RAF1: variants seen among roughly 807,000 people sequenced by gnomAD.
RAF1 encodes RAF proto-oncogene serine/threonine-protein kinase.
A neutral mutation model predicts 81.1 loss-of-function variants in RAF1; 27 were observed. The ratio of observed to expected loss-of-function variants is 0.33; its 90% confidence interval spans 0.25 to 0.46. RAF1 has a LOEUF of 0.46. RAF1 is among the 20% of genes least tolerant of loss of function. The pLI is 1.00. For missense variants in RAF1, 598 were observed against 826.0 expected, an observed-to-expected ratio of 0.72 and a Z score of 3.38; for synonymous variants, 298 against 294.0, an observed-to-expected ratio of 1.01 and a Z score of -0.14.
intron 1 of RAF1, among the ~76,000 whole-genome samples, chr3:12,638,642 C>T (rs2060096432): frequency 6.6e-6 from 1 of 152,192 alleles, no homozygotes; most frequent in African/African-American, 2.4e-5. Context: ...TGTTCTGTCA[C>T]AGTAAACGGT....
chr3:12,649,231 T>C (rs1026638243), intron 1 of RAF1, among the ~76,000 whole-genome samples: 2 of 152,200 alleles, frequency 1.3e-5, no homozygotes, highest in Admixed American at 6.5e-5. Context: ...AAACTGATAA[T>C]ATCATTTGTT....
At position 12,663,926 on chromosome 3, in the gene RAF1, G is replaced by T; in HGVS notation, c.-140C>A. ...GGCGGTCACATTCGGCGCGTCCCCA[G>T]CCCAGGGGACGGAGCCCCGAGCAGC... On this transcript the variant is annotated 5_prime_UTR_variant, in exon 1 of 18. The change creates a new upstream start codon in the 5' untranslated region. Coordinates refer to ENST00000442415, the MANE Select transcript of RAF1 (RefSeq NM_001354689.3). 2.5e-6 allele frequency: 1 copy of T among 398,306 alleles called. No individual in the cohort carries two copies. The allele number at this position is 398,306 out of a possible 1,614,324, so 24.7% of individuals were successfully genotyped here. A position where few individuals can be genotyped will look rare whatever the true frequency, so the allele number is the denominator to read the frequency against.
At chr3:12,607,760 G>A (rs1442714878) in intron 5 of RAF1, among the ~76,000 whole-genome samples, 1 of 151,870 alleles carries the variant, frequency 6.6e-6, no homozygotes, top group Non-Finnish European at 1.5e-5. Context: ...AGACCATCCT[G>A]GCCAAGATGG....
intron 1 of RAF1, among the ~76,000 whole-genome samples, chr3:12,619,639 C>T (rs2059493358): frequency 6.7e-6 from 1 of 149,738 alleles, no homozygotes; most frequent in South Asian, 2.1e-4. Context: ...ACTTTTTCAA[C>T]TACATTTCTC....
At chr3:12,637,533 T>C (rs978410744) in intron 1 of RAF1, among the ~76,000 whole-genome samples, 8 of 151,920 alleles carry the variant, frequency 5.3e-5, no homozygotes, top group Non-Finnish European at 8.8e-5. Flanking sequence ...TATTAACATT[T>C]GAAAGCAATC....
chr3:12,647,415 A>G (rs2060386850), intron 1 of RAF1, among the ~76,000 whole-genome samples: 1 of 152,142 alleles, frequency 6.6e-6, no homozygotes, highest in Admixed American at 6.6e-5. Flanking sequence ...AGCCTGGACA[A>G]CATGGAGAAA....
chr3:12,621,986 A>G (rs920323984), intron 1 of RAF1, among the ~76,000 whole-genome samples: 1 of 152,164 alleles, frequency 6.6e-6, no homozygotes, highest in Non-Finnish European at 1.5e-5. Flanking sequence ...TTGTTTTTAT[A>G]TTTTACTATT....
At chr3:12,606,415 AT>A (rs1401893670) in intron 5 of RAF1, 116 bp from the exon 6 acceptor site, 3 of 735,514 alleles carry the variant, frequency 4.1e-6, no homozygotes, top group East Asian at 2.7e-5. Context: ...TCCCAGTCAC[AT>A]TTTCCTCAAC....
Position 12,584,489 on chromosome 3 carries a change from A to G in RAF1, c.*25T>C, listed in dbSNP as rs2125315363. ...TGCTGGCTTCTCCTCCTCCCCTGGCAGCCTGAAGACAGGTGCAAAGTCAAC... is the reference window on the plus strand; with the variant it reads ...TGCTGGCTTCTCCTCCTCCCCTGGCGGCCTGAAGACAGGTGCAAAGTCAAC... On this transcript the variant is annotated 3_prime_UTR_variant, in exon 18 of 18. Transcript: ENST00000442415. The G allele has an allele frequency of 6.2e-7, 1 of 1,614,176 alleles. No homozygotes were observed.
chr3:12,628,419 T>G (rs2059769491), intron 1 of RAF1, among the ~76,000 whole-genome samples: 1 of 152,038 alleles, frequency 6.6e-6, no homozygotes, highest in Non-Finnish European at 1.5e-5. Context: ...CCCAACTACT[T>G]GGGAGGCTGA....
At chr3:12,611,857 T>C (rs1438893917) in intron 3 of RAF1, 93 bp downstream of exon 3, 24 of 893,446 alleles carry the variant, frequency 2.7e-5, no homozygotes, top group Admixed American at 2.2e-4. Context: ...CAATATTCTA[T>C]AGGAAGCTAG....
intron 1 of RAF1, among the ~76,000 whole-genome samples, chr3:12,620,007 G>A (rs577774920): frequency 6.6e-6 from 1 of 151,984 alleles, no homozygotes; most frequent in East Asian, 2.0e-4. Context: ...GCGTGAACCC[G>A]GGAGGCAGAG....
rs1471680711 is a variant in RAF1 at position 12,609,332 on chromosome 3, T to G, written c.324A>C (p.Lys108Asn). 6.2e-7 allele frequency: 1 copy of G among 1,606,034 alleles called. No homozygotes were observed. Among genetic ancestry groups the G allele is most frequent in the Non-Finnish European group, 8.5e-7 (1 of 1,172,790 alleles). ...CAGTATTCCAATCTAAGCGTGCTTTTTTACTAGAAAGGATTTAAAAAAAAC... is the reference window on the plus strand; with the variant it reads ...CAGTATTCCAATCTAAGCGTGCTTTGTTACTAGAAAGGATTTAAAAAAAAC... The change falls in exon 4 of 18, where the codon AAA (lysine) becomes AAC (asparagine). Residue 108 changes from lysine (K) to asparagine (N), a missense_variant. By Grantham distance (94) the Lys-to-Asn change is moderately conservative. This residue lies in a region of RAF1 where 89 missense variants were observed against 169.2 expected (regional missense o/e 0.53). Transcript: ENST00000442415.
intron 1 of RAF1, among the ~76,000 whole-genome samples, chr3:12,641,155 T>C (rs932973524): frequency 1.6e-4 from 22 of 134,456 alleles, no homozygotes; most frequent in Admixed American, 5.6e-4. Context: ...TAGGTGGGAA[T>C]TGAACAATGA....
intron 1 of RAF1, among the ~76,000 whole-genome samples, chr3:12,663,182 G>A (rs939444944): frequency 6.6e-6 from 1 of 152,206 alleles, no homozygotes; most frequent in African/African-American, 2.4e-5. Flanking sequence ...CGTCCCGGCG[G>A]CTCTCGCGTC....
chr3:12,585,909 G>A, intron 14 of RAF1, 110 bp from the exon 14 acceptor site: 1 of 820,160 alleles, frequency 1.2e-6, no homozygotes, highest in Non-Finnish European at 2.1e-6. Flanking sequence ...CTCTGTCACA[G>A]CCTCTCTGCA....
intron 1 of RAF1, among the ~76,000 whole-genome samples, chr3:12,662,413 C>A (rs770750224): frequency 2.7e-4 from 38 of 140,868 alleles, no homozygotes; most frequent in Non-Finnish European, 5.0e-4. Flanking sequence ...ATTTAAAAGT[C>A]ATTAACTAAG....
chr3:12,653,790 AG>A (rs1457804905), intron 1 of RAF1, among the ~76,000 whole-genome samples: 1 of 152,022 alleles, frequency 6.6e-6, no homozygotes, highest in Admixed American at 6.6e-5. Context: ...CATCATGTAC[AG>A]TACAATACCA....
chr3:12,600,449 C>T (rs2058827933), intron 8 of RAF1, 34 bp from the exon 8 acceptor site: 4 of 1,613,044 alleles, frequency 2.5e-6, no homozygotes, highest in Non-Finnish European at 2.5e-6. Context: ...TCAACTCCTA[C>T]ACACAAAAGA....
Sources: gnomAD v4.1 joint callset for allele counts (sites outside exome capture counted in the v4.1 genomes callset) on GRCh38, gnomAD v4.1.1 for gene constraint, gnomAD v4.1.1 regional missense constraint, MANE v1.5 for transcripts, NCBI Gene and HGNC (gene_info 2026-07-23, HGNC 2026-07-21) for gene names.